Variants in SCAMP4 observed in about 807,000 individuals in gnomAD.
SCAMP4 encodes secretory carrier-associated membrane protein 4.
A neutral mutation model predicts 32.1 loss-of-function variants in SCAMP4; 19 were observed. The ratio of observed to expected loss-of-function variants is 0.59; its 90% CI spans 0.41 to 0.87. The LOEUF is 0.87. Ranked by LOEUF, SCAMP4 falls within the 40% of genes least tolerant of loss-of-function variation. The pLI, the probability that SCAMP4 is intolerant of heterozygous loss-of-function variation, is 0.00. For missense variants in SCAMP4, 302 were observed against 309.0 expected (o/e 0.98, Z 0.17); for synonymous variants, 152 against 132.7 (o/e 1.15, Z -1.00).
chr19:1,912,486 C>T (rs911521961), intron 1 of SCAMP4: 11 of 1,499,156 alleles, frequency 7.3e-6, no homozygotes, highest in East Asian at 2.7e-5. Flanking sequence ...CGTGCCCGCC[C>T]GGCCGCCTCT....
intron 5 of SCAMP4, among the ~76,000 whole-genome samples, chr19:1,919,891 C>T (rs913036358): frequency 6.6e-6 from 1 of 151,344 alleles, no homozygotes; most frequent in African/African-American, 2.4e-5. Flanking sequence ...CTCACTGCAA[C>T]CTTCACCTCC....
Position 1,908,304 on chromosome 19 carries a change from T to G in SCAMP4, c.-42+2865T>G, listed in dbSNP as rs1162728964. 10 of 332,592 alleles carry G rather than the reference T, an allele frequency of 3.0e-5. No homozygotes were observed. The highest frequency in any genetic ancestry group is 4.2e-5 in the Non-Finnish European group (7 of 167,614). The allele number at this position is 332,592 out of a possible 1,614,324, so 20.6% of individuals were successfully genotyped here. A position where few individuals can be genotyped will look rare whatever the true frequency, so the allele number is the denominator to read the frequency against. ...CTGTGCTTTGTTGAACGCGTGAGCT[T>G]CGGGCAGCGCTGGGGCCGCTTCAGC... On this transcript the variant is annotated intron_variant, in intron 1 of 6. Coordinates refer to ENST00000316097, the MANE Select transcript of SCAMP4 (RefSeq NM_079834.4). This position sits in a 1 kb window ranked among gnomAD's most constrained non-coding sequence, Gnocchi z 4.2.
intron 5 of SCAMP4, chr19:1,922,382 G>A: frequency 1.5e-6 from 1 of 688,498 alleles, no homozygotes; most frequent in Non-Finnish European, 1.8e-6. Flanking sequence ...TTACAGGCAT[G>A]CGCCCTCATG....
chr19:1,906,842 C>G (rs1232072921), intron 1 of SCAMP4: 2 of 101,386 alleles, frequency 2.0e-5, no homozygotes, highest in East Asian at 7.0e-4. Flanking sequence ...CAGAGTGAGA[C>G]TCCGTCTCAA....
At chr19:1,922,356 TC>T in intron 5 of SCAMP4, 2 of 801,152 alleles carry the variant, frequency 2.5e-6, no homozygotes, top group Non-Finnish European at 3.0e-6. Flanking sequence ...CGCTTCAGCC[TC>T]CCAGATAGCT....
Position 1,915,008 on chromosome 19 carries a change from G to C in SCAMP4, c.-12G>C. The stretch of plus-strand genomic sequence containing the variant: ...CTGCAGGCTTCAGCCTGCGCTGGTT[G>C]GTGAAACAGAGATGTCAGGTGAGTC... On this transcript the variant is annotated 5_prime_UTR_variant, in exon 2 of 7. Transcript: ENST00000316097. The C allele has an allele frequency of 1.9e-6, 3 of 1,613,900 alleles. No homozygotes were observed. The highest frequency in any genetic ancestry group is 2.5e-6 in the Non-Finnish European group (3 of 1,179,846).
At position 1,921,558 on chromosome 19, in the gene SCAMP4, AC is replaced by A. The variant is rs2013920998; in HGVS notation, c.396-1511del. The A allele has an allele frequency of 4.1e-6, 4 of 985,262 alleles. No individual in the cohort carries two copies. In the Admixed American group the frequency reaches 2.5e-4, roughly 61 times the overall value. 61.0% of individuals were successfully genotyped at this position (985,262 alleles called of 1,614,324 possible). On this transcript the variant is annotated intron_variant, in intron 5 of 6. Coordinates refer to ENST00000316097, the MANE Select transcript of SCAMP4 (RefSeq NM_079834.4). ...TGCTGGGTGCCTCCCTAGACCTGACACTTGCATGCGGGGGCGTGCGATGCTG... is the reference window on the plus strand; with the variant it reads ...TGCTGGGTGCCTCCCTAGACCTGACATTGCATGCGGGGGCGTGCGATGCTG...
chr19:1,912,539 G>A (rs2013524090), intron 1 of SCAMP4: 1 of 1,500,602 alleles, frequency 6.7e-7, no homozygotes, highest in East Asian at 2.7e-5. Flanking sequence ...ACTGGCCCAC[G>A]TCCTTCCACG....
Position 1,924,605 on chromosome 19 carries a change from C to G in SCAMP4, c.*321C>G, listed in dbSNP as rs1044983856. ...CGGCCTTGTCTTCAGGTCTCGAGGC[C>G]TGACTCCGGGGGACAGGTGGCAGCA... On this transcript the variant is annotated 3_prime_UTR_variant, in exon 7 of 7. Transcript: ENST00000316097. The G allele has an allele frequency of 1.2e-5, 4 of 344,018 alleles. No homozygotes were observed. The East Asian group carries it at 2.2e-4, about 19-fold the overall frequency. The allele number at this position is 344,018 out of a possible 1,614,324, so 21.3% of individuals were successfully genotyped here. A position where few individuals can be genotyped will look rare whatever the true frequency, so the allele number is the denominator to read the frequency against.
chr19:1,914,731 G>A (rs926137377), intron 1 of SCAMP4, among the ~76,000 whole-genome samples: 13 of 152,348 alleles, frequency 8.5e-5, no homozygotes, highest in East Asian at 3.9e-4. Context: ...TGGCTGGGGC[G>A]GTGGGTGGGA....
rs373186759 is a variant in SCAMP4 at position 1,918,204 on chromosome 19, G to A, written c.214G>A (p.Gly72Ser). Residue 72 changes from glycine to serine, a missense_variant, in exon 4 of 7, where the codon GGC (glycine) becomes AGC (serine). Physicochemically the swap from Gly to Ser is moderately conservative, Grantham distance 56. Coordinates refer to ENST00000316097, the MANE Select transcript of SCAMP4 (RefSeq NM_079834.4). ...CGGCGGAGGCTCGGGGACCAACTTC[G>A]GCCTGGCCTTCGTGTGGCTGCTCCT... ...WIGGGSGTNF[G>S]LAFVWLLLFT... is the part of the protein sequence containing the mutation. 76 of 1,612,148 alleles carry A rather than the reference G, an allele frequency of 4.7e-5. No individual in the cohort carries two copies. Among genetic ancestry groups the A allele is most frequent in the South Asian group, 3.6e-4 (33 of 91,082 alleles).
Position 1,913,105 on chromosome 19 carries a change from G to A in SCAMP4, c.-41-1874G>A, listed in dbSNP as rs532501685. 6.9e-6 allele frequency: 11 copies of A among 1,593,842 alleles called. No individual in the cohort carries two copies. The highest frequency in any genetic ancestry group is 6.9e-5 in the Admixed American group (4 of 58,314). On this transcript the variant is annotated intron_variant, in intron 1 of 6. Transcript: ENST00000316097. ...CTCAACCACCGCTTCCAGGTGTTCC[G>A]CGGGGTGCTGGAGGAGCAGTGCCGC...
At chr19:1,922,893 G>A in intron 5 of SCAMP4, 177 bp from the exon 6 acceptor site, 1 of 1,337,214 alleles carries the variant, frequency 7.5e-7, no homozygotes, top group Non-Finnish European at 9.6e-7. Context: ...TTCACGCGTT[G>A]AAGTTGGTGC....
Position 1,924,239 on chromosome 19 carries a change from G to A in SCAMP4, c.645G>A (p.Glu215=), listed in dbSNP as rs1599259924. ...ACTTCTCAGGCAACAGCCTGCCCGA[G>A]TACCCCACTGTGCCCAGCTACCCGG... ...YNNFSGNSLP[E]YPTVPSYPGS... Residue 215 remains glutamate (E), a synonymous_variant, in exon 7 of 7, where the codon GAG becomes GAA. Transcript: ENST00000316097. 3 of 1,605,146 alleles carry A rather than the reference G, an allele frequency of 1.9e-6. No homozygotes were observed. The highest frequency in any genetic ancestry group is 1.7e-4 in the Middle Eastern group (1 of 6,050).
In SCAMP4 at chr19:1,917,752, C is replaced by T. The variant is rs1221209073; in HGVS notation, c.66C>T (p.Tyr22=). 2.5e-6 allele frequency: 4 copies of T among 1,613,982 alleles called. No individual in the cohort carries two copies. In the South Asian group the frequency reaches 4.4e-5, roughly 18 times the overall value. Residue 22 remains tyrosine, a synonymous_variant, in exon 3 of 7, where the codon TAC becomes TAT. Coordinates refer to ENST00000316097, the MANE Select transcript of SCAMP4 (RefSeq NM_079834.4). The part of the protein sequence containing the change: ...PKFIPVKPCF[Y]QNFSDEIPVE... ...TCATCCCTGTGAAGCCCTGCTTCTA[C>T]CAGAACTTCTCCGACGAGATCCCAG...
chr19:1,913,182 G>A (rs2145440627), intron 1 of SCAMP4: 2 of 1,478,688 alleles, frequency 1.4e-6, no homozygotes, highest in Non-Finnish European at 9.0e-7. Flanking sequence ...GACCCTTCCC[G>A]CTCCCGGCCG....
Position 1,911,886 on chromosome 19 carries a change from C to T in SCAMP4, c.-41-3093C>T, listed in dbSNP as rs955701103. The T allele has an allele frequency of 7.0e-6, 6 of 854,872 alleles. No individual in the cohort carries two copies. The African/African-American group carries it at 7.2e-5, about 10-fold the overall frequency. The allele number at this position is 854,872 out of a possible 1,614,324, so 53.0% of individuals were successfully genotyped here. A position where few individuals can be genotyped will look rare whatever the true frequency, so the allele number is the denominator to read the frequency against. On this transcript the variant is annotated intron_variant, in intron 1 of 6. Transcript: ENST00000316097. ...AATGGCTGTTTAAACTCTGTGCACA[C>T]CAGGGGTTAGCAGGACATGAGGGAG...
At chr19:1,919,346 T>C (rs980095288) in intron 5 of SCAMP4, 2 of 1,147,622 alleles carry the variant, frequency 1.7e-6, no homozygotes, top group Admixed American at 4.1e-5. Context: ...TCTGCACGGA[T>C]CGCTGCAGGA....
At chr19:1,907,585 T>G (rs975472235) in intron 1 of SCAMP4, among the ~76,000 whole-genome samples, 112 of 152,220 alleles carry the variant, frequency 7.4e-4, no homozygotes, top group African/African-American at 2.4e-3. Flanking sequence ...GACCTTGGCC[T>G]CCTCATCTGT....
Sources: allele counts gnomAD v4.1 joint callset (sites outside exome capture counted in the v4.1 genomes callset), GRCh38; gene constraint gnomAD v4.1.1; non-coding constraint Gnocchi (gnomAD v3.1); transcripts MANE v1.5; gene names NCBI Gene and HGNC (gene_info 2026-07-23, HGNC 2026-07-21).